Variants in PUM2 observed in about 807,000 individuals in gnomAD.
The protein encoded by PUM2 is pumilio RNA binding family member 2, also known as pumilio homolog 2.
PUM2 carries 57 observed loss-of-function variants against 124.5 expected under a neutral mutation model. That is an observed-to-expected ratio of 0.46 (90% confidence interval 0.37 to 0.57). The LOEUF (loss-of-function observed/expected upper bound fraction) is 0.57. Among genes scored for constraint, PUM2 ranks in the 20% least tolerant of loss-of-function variants. The pLI is 0.00. For missense variants in PUM2, 1,065 were observed against 1,290.6 expected (o/e 0.83, Z 2.68); for synonymous variants, 460 against 446.1 (o/e 1.03, Z -0.39).
intron 5 of PUM2, among the ~76,000 whole-genome samples, chr2:20,309,613 A>T (rs1384199904): frequency 6.6e-6 from 1 of 152,098 alleles, no homozygotes; most frequent in Non-Finnish European, 1.5e-5. Context: ...AATGTTTTAT[A>T]TAGGATCCTT....
intron 1 of PUM2, among the ~76,000 whole-genome samples, chr2:20,337,544 A>G (rs1367803938): frequency 6.6e-6 from 1 of 152,248 alleles, no homozygotes; most frequent in East Asian, 1.9e-4. Context: ...GTGGTTAGAA[A>G]AAAATAAAGT....
chr2:20,294,269 GT>G lies in PUM2; in HGVS notation c.1152+106del, dbSNP rs1222282802. 3.2e-6 allele frequency: 4 copies of G among 1,249,646 alleles called. No homozygotes were observed. In the East Asian group the frequency reaches 9.4e-5, roughly 29 times the overall value. The allele number at this position is 1,249,646 out of a possible 1,614,324, so 77.4% of individuals were successfully genotyped here. On this transcript the variant is annotated intron_variant, in intron 9 of 20. Transcript: ENST00000361078. ...GCGTATCAACTGTATGCCAGGAGTC[GT>G]GTTACACAGTGAGGAAACGTAAGTC... is the stretch of plus-strand genomic sequence containing the variant.
At position 20,327,341 on chromosome 2, in the gene PUM2, G is replaced by C. The variant is rs543001554; in HGVS notation, c.20C>G (p.Ala7Gly). 1.4e-5 allele frequency: 22 copies of C among 1,583,096 alleles called. No individual in the cohort carries two copies. The South Asian group carries it at 2.4e-4, about 18-fold the overall frequency. Residue 7 changes from alanine (A) to glycine (G), a missense_variant, in exon 2 of 21, where the codon GCT becomes GGT. Ala to Gly is a moderately conservative substitution (Grantham distance 60). Coordinates refer to ENST00000361078, the MANE Select transcript of PUM2 (RefSeq NM_015317.5). Reference sequence around the variant, plus strand: ...CATTCCCCGAGATTCTAATGCAAGAGCTTGAAAATCATGATTCATTTCATC... The same window carrying C: ...CATTCCCCGAGATTCTAATGCAAGACCTTGAAAATCATGATTCATTTCATC... MNHDFQALALESRGMGE... is the reference protein window; with the variant it reads MNHDFQGLALESRGMGE...
Position 20,283,209 on chromosome 2 carries a change from T to A in PUM2, c.1458A>T (p.Gly486=), listed in dbSNP as rs747525460. ...TGCTGCCTGTAAGGCTACTTGCAGTTCCTCCAGCTGCTGCTGCTGCTGCTG... is the reference window on the plus strand; with the variant it reads ...TGCTGCCTGTAAGGCTACTTGCAGTACCTCCAGCTGCTGCTGCTGCTGCTG... ...AQAAAAAAAG[G]TASSLTGSTN... is the part of the protein sequence containing the mutation. Residue 486 remains glycine (G), a synonymous_variant, in exon 12 of 21, where the codon GGA becomes GGT. Transcript: ENST00000361078. The A allele has an allele frequency of 3.7e-6, 6 of 1,613,316 alleles. No individual in the cohort carries two copies. The Admixed American group carries it at 6.7e-5, about 18-fold the overall frequency.
chr2:20,277,745 T>C (rs1670587995), intron 13 of PUM2, among the ~76,000 whole-genome samples: 1 of 152,148 alleles, frequency 6.6e-6, no homozygotes, highest in African/African-American at 2.4e-5. Context: ...GATTTAAATC[T>C]TTCCAATTAC....
rs548578813 is a variant in PUM2, at chr2:20,316,300, ATTATT to A, written c.160+2232_160+2236del. Among the ~76,000 whole-genome samples, 262 of 152,246 alleles carry A rather than the reference ATTATT, an allele frequency of 1.7e-3. 2 individuals are homozygous for A. The highest frequency in any genetic ancestry group is 6.0e-3 in the African/African-American group (248 of 41,552). On this transcript the variant is annotated intron_variant, in intron 3 of 20. Coordinates refer to ENST00000361078, the MANE Select transcript of PUM2 (RefSeq NM_015317.5). Reference sequence around the variant, plus strand: ...CCTTTTAGATTTTAGCTTTTTGGCAATTATTTTATTTTAACAATGAAATTAAACAT... The same window carrying A: ...CCTTTTAGATTTTAGCTTTTTGGCAATTATTTTAACAATGAAATTAAACAT...
intron 13 of PUM2, among the ~76,000 whole-genome samples, chr2:20,271,679 G>T (rs1669046263): frequency 6.6e-6 from 1 of 152,010 alleles, no homozygotes; most frequent in Non-Finnish European, 1.5e-5. Flanking sequence ...ATTTAATTTG[G>T]ATTAAAGATC....
chr2:20,253,022 C>T (rs1293818447), intron 20 of PUM2, among the ~76,000 whole-genome samples: 3 of 152,072 alleles, frequency 2.0e-5, no homozygotes, highest in African/African-American at 4.8e-5. Flanking sequence ...AAATACTATA[C>T]GCTATTTTAT....
chr2:20,314,269 C>A (rs1228154474), intron 3 of PUM2, among the ~76,000 whole-genome samples: 4 of 152,138 alleles, frequency 2.6e-5, no homozygotes, highest in Non-Finnish European at 5.9e-5. Context: ...GCTATAATCA[C>A]AAATGAGTAA....
intron 1 of PUM2, among the ~76,000 whole-genome samples, chr2:20,336,797 T>C (rs1055556775): frequency 1.2e-4 from 13 of 111,182 alleles, no homozygotes; most frequent in African/African-American, 4.5e-4. Context: ...TGTGTGTGTG[T>C]GTGTGGTACA....
chr2:20,327,934 G>A (rs771991348), intron 1 of PUM2, among the ~76,000 whole-genome samples: 1 of 152,198 alleles, frequency 6.6e-6, no homozygotes, highest in Non-Finnish European at 1.5e-5. Context: ...CTGCACATAT[G>A]TGAGACAGAC....
chr2:20,322,224 C>G (rs1338028218), intron 2 of PUM2, among the ~76,000 whole-genome samples: 1 of 152,026 alleles, frequency 6.6e-6, no homozygotes, highest in Non-Finnish European at 1.5e-5. Flanking sequence ...TCTGAGCTGT[C>G]CTGGGCAAAT....
At chr2:20,256,887 AC>A (rs907721447) in intron 16 of PUM2, among the ~76,000 whole-genome samples, 4 of 151,838 alleles carry the variant, frequency 2.6e-5, no homozygotes, top group Non-Finnish European at 4.4e-5. Flanking sequence ...TACCAAAAAT[AC>A]AAAAAACTAG....
At position 20,267,654 on chromosome 2, in the gene PUM2, G is replaced by A. The variant is rs146443585; in HGVS notation, c.1958-4194C>T. On this transcript the variant is annotated intron_variant, in intron 13 of 20. Transcript: ENST00000361078. ...ATTCATGACTGTTTAATCACTATCT[G>A]CCTAAGAGTGTATATAGGACATGTA... is the stretch of plus-strand genomic sequence containing the variant. 3.3e-5 allele frequency among the ~76,000 whole-genome samples: 5 copies of A among 152,238 alleles called. No homozygotes were observed. The East Asian group carries it at 5.8e-4, about 18-fold the overall frequency.
chr2:20,270,144 T>G (rs956247476), intron 13 of PUM2, among the ~76,000 whole-genome samples: 1 of 152,184 alleles, frequency 6.6e-6, no homozygotes, highest in Admixed American at 6.5e-5. Context: ...GTAGTAGTAG[T>G]AGGATGAGTT....
At chr2:20,292,519 C>A (rs924772813) in intron 9 of PUM2, among the ~76,000 whole-genome samples, 3 of 152,108 alleles carry the variant, frequency 2.0e-5, no homozygotes, top group African/African-American at 7.2e-5. Flanking sequence ...CACGCCACCA[C>A]GCTTGGCTAA....
chr2:20,284,463 C>T (rs1452657036), intron 10 of PUM2, among the ~76,000 whole-genome samples: 1 of 152,116 alleles, frequency 6.6e-6, no homozygotes, highest in Non-Finnish European at 1.5e-5. Flanking sequence ...TTACATGATC[C>T]TCCCGCCTCA....
intron 9 of PUM2, among the ~76,000 whole-genome samples, chr2:20,291,957 T>C (rs1572747551): frequency 6.6e-6 from 1 of 151,780 alleles, no homozygotes; most frequent in Non-Finnish European, 1.5e-5. Flanking sequence ...GTGCTTAACT[T>C]TGACTTCTTT....
At chr2:20,341,505 ATGTTT>A in intron 1 of PUM2, among the ~76,000 whole-genome samples, 1 of 152,188 alleles carries the variant, frequency 6.6e-6, no homozygotes, top group Middle Eastern at 3.2e-3. Context: ...ATGACTACAT[ATGTTT>A]GTGGGAAGTA....
Sources: allele counts gnomAD v4.1 joint callset (sites outside exome capture counted in the v4.1 genomes callset), GRCh38; gene constraint gnomAD v4.1.1; transcripts MANE v1.5; gene names NCBI Gene and HGNC (gene_info 2026-07-23, HGNC 2026-07-21).